The following DMD variants were observed in gnomAD, a reference collection of about 807,000 sequenced individuals.
The protein encoded by DMD is dystrophin, also known as mutant dystrophin.
Under a neutral mutation model 330.1 loss-of-function variants are expected in DMD, and 63 were observed. The observed-to-expected ratio is 0.19, with a 90% CI of 0.16 to 0.24. The LOEUF is 0.24. Among genes scored for constraint, DMD ranks in the 10% least tolerant of loss-of-function variants. The pLI is 1.00. For synonymous variants in DMD, 1,223 were observed against 959.8 expected, an observed-to-expected ratio of 1.27 and a Z score of -5.07; for missense variants, 3,344 against 2,684.1, an observed-to-expected ratio of 1.25 and a Z score of -5.43.
intron 44 of DMD, among the ~76,000 whole-genome samples, chrX:32,158,011 T>A (rs2096836442): frequency 8.9e-6 from 1 of 112,174 alleles, no homozygotes; most frequent in South Asian, 3.7e-4. Flanking sequence ...AGCATATTTG[T>A]CCCTCTGGGA....
intron 7 of DMD, among the ~76,000 whole-genome samples, chrX:32,799,129 C>A (rs1370507243): frequency 9.0e-6 from 1 of 111,201 alleles, no homozygotes; most frequent in Non-Finnish European, 1.9e-5. Flanking sequence ...AGCATTCACT[C>A]CAGGAGTAAA....
intron 1 of DMD, among the ~76,000 whole-genome samples, chrX:33,091,933 A>G (rs1367142773): frequency 1.8e-5 from 2 of 112,139 alleles, no homozygotes; most frequent in Non-Finnish European, 3.8e-5. Context: ...AATTAAATAA[A>G]TACTCTTACG....
intron 55 of DMD, among the ~76,000 whole-genome samples, chrX:31,514,047 A>C (rs1196370748): frequency 8.9e-6 from 1 of 111,891 alleles, no homozygotes; most frequent in African/African-American, 3.2e-5. Context: ...GCTACTACCT[A>C]AATTTTAGCA....
intron 1 of DMD, among the ~76,000 whole-genome samples, chrX:33,063,928 A>T (rs2094612016): frequency 8.9e-6 from 1 of 111,914 alleles, no homozygotes; most frequent in Non-Finnish European, 1.9e-5. Context: ...TCCTAAGTCC[A>T]CTTAGAAAAT....
At chrX:32,585,125 G>A (rs1270875487) in intron 13 of DMD, among the ~76,000 whole-genome samples, 1 of 110,994 alleles carries the variant, frequency 9.0e-6, no homozygotes, top group Non-Finnish European at 1.9e-5. Flanking sequence ...TCACATGTGG[G>A]AGCTAAAAAA....
intron 22 of DMD, among the ~76,000 whole-genome samples, chrX:32,471,278 AAAAAT>A (rs1174482339): frequency 8.9e-6 from 1 of 112,193 alleles, no homozygotes; most frequent in Non-Finnish European, 1.9e-5. Flanking sequence ...AACTCCGTCT[AAAAAT>A]AAAATAAAGT....
At chrX:31,155,162 TTA>T (rs2037958982) in intron 74 of DMD, among the ~76,000 whole-genome samples, 1 of 112,332 alleles carries the variant, frequency 8.9e-6, no homozygotes, top group Non-Finnish European at 1.9e-5. Flanking sequence ...TAGCAATGAT[TTA>T]TGAGTGCCTC....
intron 3 of DMD, among the ~76,000 whole-genome samples, chrX:32,849,359 T>C (rs1018826906): frequency 1.8e-5 from 2 of 111,912 alleles, no homozygotes; most frequent in Non-Finnish European, 3.8e-5. Flanking sequence ...CTTATTTTGC[T>C]ATCCCACATG....
intron 9 of DMD, among the ~76,000 whole-genome samples, chrX:32,646,118 C>T (rs1160096309): frequency 9.0e-6 from 1 of 111,599 alleles, no homozygotes; most frequent in African/African-American, 3.3e-5. Flanking sequence ...GTAATAGAGA[C>T]GGGGTAGTTT....
intron 48 of DMD, among the ~76,000 whole-genome samples, chrX:31,853,103 C>T (rs1173349689): frequency 8.9e-6 from 1 of 112,443 alleles, no homozygotes; most frequent in Non-Finnish European, 1.9e-5. Context: ...AGGCTCGTCT[C>T]GAACTCCTGG....
At chrX:33,321,703 T>C (rs774565949) in intron 1 of DMD, among the ~76,000 whole-genome samples, 2 of 111,219 alleles carry the variant, frequency 1.8e-5, no homozygotes, top group South Asian at 7.5e-4. Context: ...ACTTCTCCTT[T>C]CTAGCTATGA....
In DMD at chrX:31,778,565, A is replaced by ATTTTTT. The variant is rs36164865; in HGVS notation, c.7310-4379_7310-4374dup. ...AGGACAGAAGTTTTGAAGTCCTGAA[A>ATTTTTT]TTTTTTTTTTTTTTTTTTTTTTTTG... On this transcript the variant is annotated intron_variant, in intron 50 of 78. Coordinates refer to ENST00000357033, the MANE Select transcript of DMD (RefSeq NM_004006.3). 1.5e-3 allele frequency among the ~76,000 whole-genome samples: 93 copies of ATTTTTT among 63,027 alleles called. 1 individual carries two copies. Among genetic ancestry groups the ATTTTTT allele is most frequent in the East Asian group, 3.5e-3 (6 of 1,723 alleles). 54.7% of individuals were successfully genotyped at this position (63,027 alleles called of 115,157 possible). A position where few individuals can be genotyped will look rare whatever the true frequency, so the allele number is the denominator to read the frequency against.
In DMD at chrX:32,762,532, T is replaced by C. The variant is rs1403494129; in HGVS notation, c.649+46961A>G. Among the ~76,000 whole-genome samples, 3 of 111,575 alleles carry C rather than the reference T, an allele frequency of 2.7e-5. No homozygotes were observed. The Admixed American group carries it at 2.9e-4, about 11-fold the overall frequency. Reference sequence around the variant, plus strand: ...TTTAAAGCAAGAAGTGTGAATAGGATACAGGAATGGCTGGGAGGGCTCATC... The same window carrying C: ...TTTAAAGCAAGAAGTGTGAATAGGACACAGGAATGGCTGGGAGGGCTCATC... On this transcript the variant is annotated intron_variant, in intron 7 of 78. Transcript: ENST00000357033.
chrX:31,153,434 C>T (rs779858748), intron 74 of DMD, among the ~76,000 whole-genome samples: 13 of 110,261 alleles, frequency 1.2e-4, no homozygotes, highest in South Asian at 3.9e-4. Context: ...TACTACAGCA[C>T]GAGCTGAAAG....
chrX:32,712,660 ATAT>A (rs2065296908), intron 7 of DMD, among the ~76,000 whole-genome samples: 1 of 111,437 alleles, frequency 9.0e-6, no homozygotes, highest in Non-Finnish European at 1.9e-5. Flanking sequence ...CACTTTTAAA[ATAT>A]TATACTTTGT....
At chrX:33,303,002 T>C (rs2053689648) in intron 1 of DMD, among the ~76,000 whole-genome samples, 1 of 112,073 alleles carries the variant, frequency 8.9e-6, no homozygotes, top group Non-Finnish European at 1.9e-5. Flanking sequence ...TTTCCCAGAA[T>C]GTCGTATTGT....
chrX:31,608,019 C>T (rs189596188), intron 55 of DMD, among the ~76,000 whole-genome samples: 1 of 111,640 alleles, frequency 9.0e-6, no homozygotes, highest in African/African-American at 3.2e-5. Flanking sequence ...TAAATCCATG[C>T]CAATTTTGGA....
chrX:31,786,893 C>T (rs1025969917), intron 50 of DMD, among the ~76,000 whole-genome samples: 6 of 111,927 alleles, frequency 5.4e-5, no homozygotes, highest in Non-Finnish European at 1.1e-4. Context: ...CTGCCTCCTT[C>T]ACTTCCTTAT....
intron 48 of DMD, among the ~76,000 whole-genome samples, chrX:31,849,746 T>C (rs1282521349): frequency 9.0e-6 from 1 of 110,700 alleles, no homozygotes; most frequent in African/African-American, 3.3e-5. Context: ...GGTATATGAA[T>C]ATGTGAATAA....
Sources: allele counts gnomAD v4.1 joint callset (sites outside exome capture counted in the v4.1 genomes callset), GRCh38; gene constraint gnomAD v4.1.1; transcripts MANE v1.5; gene names NCBI Gene and HGNC (gene_info 2026-07-23, HGNC 2026-07-21).